Variants in SNTG2 observed in about 807,000 individuals in gnomAD.
SNTG2 encodes the protein gamma-2-syntrophin.
Under a neutral mutation model 70.9 loss-of-function variants are expected in SNTG2, and 74 were observed. That is an observed-to-expected ratio of 1.04 (90% confidence interval 0.86 to 1.27). The LOEUF (loss-of-function observed/expected upper bound fraction) is 1.27. Among genes scored for constraint, SNTG2 ranks in the 50% most tolerant of loss-of-function variants. The probability of loss-of-function intolerance (pLI) is 0.00; values close to 1 mark genes in which losing one functional copy is unlikely to be tolerated. For missense variants in SNTG2, 717 were observed against 690.7 expected (o/e 1.04, Z -0.43); for synonymous variants, 278 against 273.8 (o/e 1.02, Z -0.15).
At chr2:1,141,445 G>T (rs1004070177) in intron 6 of SNTG2, among the ~76,000 whole-genome samples, 1 of 152,190 alleles carries the variant, frequency 6.6e-6, no homozygotes, top group Non-Finnish European at 1.5e-5. Flanking sequence ...TGTTTACCAG[G>T]TATCAGGGAC....
chr2:1,348,335 G>A (rs2148302602), intron 16 of SNTG2, among the ~76,000 whole-genome samples: 1 of 152,350 alleles, frequency 6.6e-6, no homozygotes, highest in East Asian at 1.9e-4. Context: ...GGAAATAAGT[G>A]TTGGGTGTGC....
At chr2:1,154,942 C>T (rs1331883193) in intron 6 of SNTG2, among the ~76,000 whole-genome samples, 1 of 98,560 alleles carries the variant, frequency 1.0e-5, no homozygotes, top group Non-Finnish European at 2.2e-5. Flanking sequence ...ACACACCACA[C>T]ACATAAACTC....
intron 15 of SNTG2, among the ~76,000 whole-genome samples, chr2:1,312,629 G>A (rs533253331): frequency 3.3e-5 from 5 of 152,168 alleles, no homozygotes; most frequent in South Asian, 2.1e-4. Context: ...TTGGGGACAC[G>A]TTGAAAAGCT....
intron 16 of SNTG2, among the ~76,000 whole-genome samples, chr2:1,321,432 T>C (rs1456310230): frequency 6.6e-6 from 1 of 152,010 alleles, no homozygotes; most frequent in Non-Finnish European, 1.5e-5. Context: ...CAGCCGCAGA[T>C]GGAGGAAGAT....
rs78921199 is a variant in SNTG2, at chr2:1,054,101, C to G, written c.73-29417C>G. 5.5e-3 allele frequency among the ~76,000 whole-genome samples: 844 copies of G among 152,304 alleles called. 9 individuals carry two copies. Among genetic ancestry groups the G allele is most frequent in the African/African-American group, 0.019 (799 of 41,552 alleles). On this transcript the variant is annotated intron_variant, in intron 1 of 16. Transcript: ENST00000308624. ...ACAGGCACCACGCCTGCCACCTGCACATGTCTGCTGGGGCACTGCGGACCC... is the reference window on the plus strand; with the variant it reads ...ACAGGCACCACGCCTGCCACCTGCAGATGTCTGCTGGGGCACTGCGGACCC...
In SNTG2 at chr2:1,190,359, C is replaced by G. The variant is rs574663779; in HGVS notation, c.591+17176C>G. Among the ~76,000 whole-genome samples the G allele has an allele frequency of 1.8e-4, 27 of 151,504 alleles. No homozygotes were observed. The South Asian group carries it at 5.2e-3, about 29-fold the overall frequency. ...AAATGCTGTGTAAATAGTTCCTACT[C>G]TCTATTTTTCTATTCTATATATTTC... On this transcript the variant is annotated intron_variant, in intron 8 of 16. Transcript: ENST00000308624.
intron 15 of SNTG2, among the ~76,000 whole-genome samples, chr2:1,313,134 A>G (rs183245683): frequency 6.6e-6 from 1 of 152,368 alleles, no homozygotes; most frequent in Admixed American, 6.5e-5. Context: ...TTGTCAGTAT[A>G]TTAATAATCA....
chr2:1,174,610 C>T (rs996837096), intron 8 of SNTG2, among the ~76,000 whole-genome samples: 4 of 152,112 alleles, frequency 2.6e-5, no homozygotes, highest in African/African-American at 9.7e-5. Flanking sequence ...AAAATAACAG[C>T]AAGTTTTCTA....
intron 1 of SNTG2, among the ~76,000 whole-genome samples, chr2:1,019,655 A>G (rs564867724): frequency 5.4e-4 from 82 of 152,318 alleles, no homozygotes; most frequent in African/African-American, 1.9e-3. Context: ...TAAGTTAATG[A>G]TAGTTCCACT....
At chr2:1,171,617 G>A (rs2147879519) in intron 7 of SNTG2, among the ~76,000 whole-genome samples, 1 of 152,280 alleles carries the variant, frequency 6.6e-6, no homozygotes, top group East Asian at 1.9e-4. Flanking sequence ...GTCTTCACCA[G>A]ACAGTAAACA....
intron 1 of SNTG2, among the ~76,000 whole-genome samples, chr2:1,005,806 AATATATATATAT>A (rs56246912): frequency 1.3e-3 from 40 of 31,228 alleles, no homozygotes; most frequent in South Asian, 2.7e-3. Flanking sequence ...TCTGCCTCAA[AATATATATATAT>A]ATATATATAT....
chr2:1,191,040 G>T (rs1672562967), intron 8 of SNTG2, among the ~76,000 whole-genome samples: 1 of 152,158 alleles, frequency 6.6e-6, no homozygotes, highest in Admixed American at 6.5e-5. Context: ...CTAGAATCAG[G>T]AGGCAATCCC....
chr2:968,344 C>CT (rs1179392961), intron 1 of SNTG2, among the ~76,000 whole-genome samples: 2 of 152,106 alleles, frequency 1.3e-5, no homozygotes, highest in African/African-American at 2.4e-5. Context: ...TTGTAATACT[C>CT]TTAATTTAGG....
At chr2:1,029,135 C>G (rs1468917246) in intron 1 of SNTG2, among the ~76,000 whole-genome samples, 1 of 152,150 alleles carries the variant, frequency 6.6e-6, no homozygotes, top group Non-Finnish European at 1.5e-5. Flanking sequence ...AATCATATAT[C>G]GAAAACCCCA....
rs1572154059 is a variant in SNTG2, at chr2:950,963, G to A, written c.-34G>A. On this transcript the variant is annotated 5_prime_UTR_variant, in exon 1 of 17. Coordinates refer to ENST00000308624, the MANE Select transcript of SNTG2 (RefSeq NM_018968.4). ...CGGGGTCCTGGCGTTGAGCTCGGCC[G>A]GCCCGGAGCGCGGACCCAGCCGCAG... is the stretch of plus-strand genomic sequence containing the variant. 9.4e-6 allele frequency: 11 copies of A among 1,173,654 alleles called. No individual in the cohort carries two copies. In the East Asian group the frequency reaches 3.4e-4, roughly 36 times the overall value. 72.7% of individuals were successfully genotyped at this position (1,173,654 alleles called of 1,614,324 possible). A position where few individuals can be genotyped will look rare whatever the true frequency, so the allele number is the denominator to read the frequency against.
intron 16 of SNTG2, among the ~76,000 whole-genome samples, chr2:1,318,058 GTTAA>G (rs1681370098): frequency 1.3e-5 from 2 of 152,202 alleles, no homozygotes; most frequent in African/African-American, 2.4e-5. Context: ...AAACTTCTTT[GTTAA>G]TTAAAGACCT....
At chr2:1,175,599 C>A in intron 8 of SNTG2, among the ~76,000 whole-genome samples, 1 of 152,118 alleles carries the variant, frequency 6.6e-6, no homozygotes, top group East Asian at 1.9e-4. Flanking sequence ...CATTTCTTTC[C>A]ATATTATTTA....
At chr2:1,320,822 G>C (rs933883221) in intron 16 of SNTG2, among the ~76,000 whole-genome samples, 1 of 152,158 alleles carries the variant, frequency 6.6e-6, no homozygotes, top group African/African-American at 2.4e-5. Context: ...TCACTGCACA[G>C]GGGAAGCTGC....
intron 1 of SNTG2, among the ~76,000 whole-genome samples, chr2:1,042,358 G>T (rs1661486136): frequency 6.6e-6 from 1 of 151,996 alleles, no homozygotes. Context: ...TTTCTTTAAT[G>T]ATTTTCTTTC....
Sources: allele counts gnomAD v4.1 joint callset (sites outside exome capture counted in the v4.1 genomes callset), GRCh38; gene constraint gnomAD v4.1.1; transcripts MANE v1.5; gene names NCBI Gene and HGNC (gene_info 2026-07-23, HGNC 2026-07-21).